The following ATP6V1A variants were observed in gnomAD, a reference collection of about 807,000 sequenced individuals.
The protein encoded by ATP6V1A is ATPase H+ transporting V1 subunit A, also known as V-type proton ATPase catalytic subunit A.
A neutral mutation model predicts 70.1 loss-of-function variants in ATP6V1A; 18 were observed. The observed-to-expected ratio is 0.26, with a 90% CI of 0.18 to 0.38. The LOEUF (loss-of-function observed/expected upper bound fraction) is 0.38. Among genes scored for constraint, ATP6V1A ranks in the 10% least tolerant of loss-of-function variants. The probability of loss-of-function intolerance (pLI) is 1.00; values close to 1 mark genes in which losing one functional copy is unlikely to be tolerated. For synonymous variants in ATP6V1A, 232 were observed against 253.8 expected (o/e 0.91, Z 0.82); for missense variants, 424 against 772.4 (o/e 0.55, Z 5.35).
At chr3:113,776,197 A>G (rs1708910081) in intron 1 of ATP6V1A, among the ~76,000 whole-genome samples, 1 of 151,938 alleles carries the variant, frequency 6.6e-6, no homozygotes, top group South Asian at 2.1e-4. Flanking sequence ...TGTCTCTACA[A>G]TAAATGTAAA....
At chr3:113,798,829 G>A (rs1243657238) in intron 12 of ATP6V1A, among the ~76,000 whole-genome samples, 1 of 152,062 alleles carries the variant, frequency 6.6e-6, no homozygotes, top group Admixed American at 6.6e-5. Context: ...CCTGTATCTT[G>A]GATTCTTCAA....
At chr3:113,765,926 C>CAA (rs1301398842) in intron 1 of ATP6V1A, among the ~76,000 whole-genome samples, 2 of 149,966 alleles carry the variant, frequency 1.3e-5, no homozygotes, top group Non-Finnish European at 3.0e-5. Flanking sequence ...GACTCCATCT[C>CAA]AAAAAAAAAG....
chr3:113,764,970 A>G (rs1708751814), intron 1 of ATP6V1A, among the ~76,000 whole-genome samples: 2 of 151,154 alleles, frequency 1.3e-5, no homozygotes, highest in Non-Finnish European at 2.9e-5. Context: ...CATAGGTGAT[A>G]AAGCCAGACC....
intron 14 of ATP6V1A, among the ~76,000 whole-genome samples, chr3:113,808,539 G>A (rs1199326247): frequency 6.6e-6 from 1 of 151,980 alleles, no homozygotes; most frequent in African/African-American, 2.4e-5. Flanking sequence ...TGACTCGCCT[G>A]CCTCGGCCCC....
intron 12 of ATP6V1A, among the ~76,000 whole-genome samples, chr3:113,801,661 A>G (rs547768942): frequency 6.6e-6 from 1 of 152,274 alleles, no homozygotes; most frequent in East Asian, 1.9e-4. Context: ...AAAAGATGGA[A>G]GGTAAAATAG....
At chr3:113,799,113 C>T (rs1709183269) in intron 12 of ATP6V1A, among the ~76,000 whole-genome samples, 1 of 151,910 alleles carries the variant, frequency 6.6e-6, no homozygotes, top group Non-Finnish European at 1.5e-5. Context: ...ACTGCAAAAC[C>T]AGATAAAGAC....
chr3:113,750,638 T>C (rs1218892822), intron 1 of ATP6V1A, among the ~76,000 whole-genome samples: 2 of 152,252 alleles, frequency 1.3e-5, no homozygotes, highest in Non-Finnish European at 2.9e-5. Flanking sequence ...GACAGTGTAC[T>C]TAAGTAAGGT....
At chr3:113,778,866 G>T in intron 2 of ATP6V1A, 31 bp downstream of exon 2, 1 of 1,358,514 alleles carries the variant, frequency 7.4e-7, no homozygotes, top group South Asian at 1.4e-5. Flanking sequence ...TCAAAATAAG[G>T]ATATCTAACT....
intron 1 of ATP6V1A, among the ~76,000 whole-genome samples, chr3:113,772,865 A>G (rs954405906): frequency 1.3e-5 from 2 of 151,064 alleles, no homozygotes; most frequent in African/African-American, 2.4e-5. Flanking sequence ...TATAAACACT[A>G]TGGAGTAGAG....
intron 5 of ATP6V1A, 26 bp from the exon 6 acceptor site, chr3:113,786,206 A>T (rs1709038440): frequency 1.3e-6 from 2 of 1,580,052 alleles, no homozygotes; most frequent in Non-Finnish European, 1.7e-6. Context: ...ATTTGACCAT[A>T]CTAAAATCCT....
intron 1 of ATP6V1A, among the ~76,000 whole-genome samples, chr3:113,771,499 G>T (rs1256008881): frequency 7.0e-6 from 1 of 143,648 alleles, no homozygotes; most frequent in Non-Finnish European, 1.5e-5. Flanking sequence ...GTGCAGTGAC[G>T]TGATCACCGC....
chr3:113,796,009 C>T (rs1189167690), intron 11 of ATP6V1A, 70 bp downstream of exon 11: 4 of 1,283,712 alleles, frequency 3.1e-6, no homozygotes, highest in Admixed American at 2.3e-5. Flanking sequence ...TGTTCTAATG[C>T]GATCTAATGT....
chr3:113,805,672 G>A (rs772256291), intron 14 of ATP6V1A, 147 bp downstream of exon 14: 56 of 803,320 alleles, frequency 7.0e-5, no homozygotes, highest in Non-Finnish European at 9.4e-5. Context: ...GGGTTCAAAC[G>A]ATTCTCCTGC....
chr3:113,749,495 T>C (rs912595718), intron 1 of ATP6V1A, among the ~76,000 whole-genome samples: 1 of 152,182 alleles, frequency 6.6e-6, no homozygotes, highest in African/African-American at 2.4e-5. Context: ...TTCAGTGCCT[T>C]TATAGATTTT....
intron 3 of ATP6V1A, among the ~76,000 whole-genome samples, chr3:113,783,855 T>C (rs1464218193): frequency 1.3e-5 from 2 of 152,232 alleles, no homozygotes; most frequent in East Asian, 3.8e-4. Flanking sequence ...ATTGCAAGAT[T>C]GGAAAATTAT....
At chr3:113,803,452 G>A (rs2108044391) in intron 12 of ATP6V1A, 131 bp from the exon 13 acceptor site, 1 of 687,000 alleles carries the variant, frequency 1.5e-6, no homozygotes, top group East Asian at 2.6e-5. Flanking sequence ...CAATCAAAAA[G>A]CCGTTATAAG....
chr3:113,769,043 A>T (rs1282233872), intron 1 of ATP6V1A, among the ~76,000 whole-genome samples: 1 of 152,222 alleles, frequency 6.6e-6, no homozygotes. Flanking sequence ...CAAATTTTGA[A>T]CAAAGTTGGC....
At chr3:113,778,660 A>T in intron 1 of ATP6V1A, 81 bp from the exon 2 acceptor site, 1 of 656,006 alleles carries the variant, frequency 1.5e-6, no homozygotes, top group South Asian at 3.0e-5. Context: ...GAGTGGTCTC[A>T]TCTTAGTGGA....
chr3:113,749,912 A>T (rs1019433697), intron 1 of ATP6V1A, among the ~76,000 whole-genome samples: 1 of 152,202 alleles, frequency 6.6e-6, no homozygotes, highest in African/African-American at 2.4e-5. Context: ...CCTCAGATGG[A>T]CTTTATTAAT....
Sources: gnomAD v4.1 joint callset for allele counts (sites outside exome capture counted in the v4.1 genomes callset) on GRCh38, gnomAD v4.1.1 for gene constraint, MANE v1.5 for transcripts, NCBI Gene and HGNC (gene_info 2026-07-23, HGNC 2026-07-21) for gene names.